FBXL7: variants seen among roughly 807,000 people sequenced by gnomAD.
The protein encoded by FBXL7 is F-box/LRR-repeat protein 7.
Under a neutral mutation model 38.3 loss-of-function variants are expected in FBXL7, and 12 were observed. That is an observed-to-expected ratio of 0.31 (90% CI 0.20 to 0.51). The LOEUF (loss-of-function observed/expected upper bound fraction) is 0.51, where lower values mean the gene tolerates loss of function less well. Among genes scored for constraint, FBXL7 ranks in the 20% least tolerant of loss-of-function variants. The pLI is 0.98. For synonymous variants in FBXL7, 297 were observed against 300.9 expected (o/e 0.99, Z 0.13); for missense variants, 567 against 676.4 (o/e 0.84, Z 1.79).
chr5:15,683,271 A>C (rs908887497), intron 2 of FBXL7, among the ~76,000 whole-genome samples: 1 of 152,134 alleles, frequency 6.6e-6, no homozygotes, highest in Non-Finnish European at 1.5e-5. Context: ...TGTGTGTTTA[A>C]AATGTTGTGA....
intron 2 of FBXL7, among the ~76,000 whole-genome samples, chr5:15,785,777 G>T (rs1737118036): frequency 6.6e-6 from 1 of 152,226 alleles, no homozygotes; most frequent in South Asian, 2.1e-4. Context: ...AAAGCAGTTA[G>T]GACATTTTCC....
At chr5:15,902,831 T>C (rs1036666797) in intron 2 of FBXL7, among the ~76,000 whole-genome samples, 5 of 152,262 alleles carry the variant, frequency 3.3e-5, no homozygotes, top group East Asian at 1.9e-4. Flanking sequence ...TTTTCACTTC[T>C]GGCTTTCTAG....
intron 2 of FBXL7, among the ~76,000 whole-genome samples, chr5:15,642,998 G>C (rs1203413417): frequency 6.6e-6 from 1 of 152,156 alleles, no homozygotes; most frequent in Admixed American, 6.5e-5. Context: ...GGTTTCATTT[G>C]CTTTTCCCCC....
chr5:15,618,766 A>G (rs1740531440), intron 2 of FBXL7, among the ~76,000 whole-genome samples: 1 of 152,200 alleles, frequency 6.6e-6, no homozygotes, highest in Admixed American at 6.5e-5. Flanking sequence ...TTAGCACTGG[A>G]AGAGATCTGA....
At chr5:15,785,007 G>C (rs573828337) in intron 2 of FBXL7, among the ~76,000 whole-genome samples, 1 of 152,082 alleles carries the variant, frequency 6.6e-6, no homozygotes, top group Admixed American at 6.6e-5. Context: ...TTCATCTGAG[G>C]GTTGGGTGTA....
At position 15,861,296 on chromosome 5, in the gene FBXL7, G is replaced by A. The variant is rs79555034; in HGVS notation, c.128-66594G>A. ...AATGACTGACATTTACATTGTCCCT[G>A]TATCTGAAGTCTTTGAAAAGAGCAA... On this transcript the variant is annotated intron_variant, in intron 2 of 3. Transcript: ENST00000504595. Among the ~76,000 whole-genome samples the A allele has an allele frequency of 2.3e-4, 35 of 152,312 alleles. No individual in the cohort carries two copies. In the East Asian group the frequency reaches 6.8e-3, roughly 29 times the overall value.
chr5:15,566,818 T>G (rs1738588272), intron 1 of FBXL7, among the ~76,000 whole-genome samples: 1 of 152,162 alleles, frequency 6.6e-6, no homozygotes, highest in Non-Finnish European at 1.5e-5. Context: ...CTGGACCTAT[T>G]TATGGTGACT....
intron 2 of FBXL7, among the ~76,000 whole-genome samples, chr5:15,875,493 C>G (rs1239333622): frequency 1.3e-5 from 2 of 152,050 alleles, no homozygotes; most frequent in African/African-American, 2.4e-5. Flanking sequence ...AAAATTTTTG[C>G]AATCCATCCA....
At chr5:15,792,475 G>A (rs2126732406) in intron 2 of FBXL7, among the ~76,000 whole-genome samples, 1 of 152,260 alleles carries the variant, frequency 6.6e-6, no homozygotes, top group Non-Finnish European at 1.5e-5. Context: ...TGAACGTCAA[G>A]CAGTTGATTT....
At chr5:15,542,832 A>G (rs999645286) in intron 1 of FBXL7, among the ~76,000 whole-genome samples, 3 of 152,202 alleles carry the variant, frequency 2.0e-5, no homozygotes, top group Non-Finnish European at 4.4e-5. Flanking sequence ...CCTGTTTTAT[A>G]TTGATGTCCC....
At position 15,928,248 on chromosome 5, in the gene FBXL7, G is replaced by A; in HGVS notation, c.486G>A (p.Glu162=). Residue 162 remains glutamate, a synonymous_variant, in exon 3 of 4, where the codon GAG becomes GAA. Transcript: ENST00000504595. The surrounding 1 kb of genome is among the most constrained non-coding windows in gnomAD (Gnocchi z 4.0). The stretch of plus-strand genomic sequence containing the variant: ...GGAGGACTATCCGCCTGACGGGCGA[G>A]ACCATCAACGTGGACCGCGCCCTCA... The part of the protein sequence containing the change: ...RLWRTIRLTG[E]TINVDRALKV... 6.2e-7 allele frequency: 1 copy of A among 1,611,934 alleles called. No homozygotes were observed. The highest frequency in any genetic ancestry group is 8.5e-7 in the Non-Finnish European group (1 of 1,179,096).
intron 2 of FBXL7, among the ~76,000 whole-genome samples, chr5:15,785,819 G>A (rs931069657): frequency 1.3e-5 from 2 of 152,216 alleles, no homozygotes; most frequent in African/African-American, 2.4e-5. Flanking sequence ...TCGCAGTTCA[G>A]TTGCATCTGG....
chr5:15,634,514 G>A (rs542659948), intron 2 of FBXL7, among the ~76,000 whole-genome samples: 3 of 148,878 alleles, frequency 2.0e-5, no homozygotes, highest in South Asian at 2.1e-4. Context: ...TTGGGGGGGG[G>A]GTTTACCCTA....
chr5:15,707,174 G>T (rs866909733), intron 2 of FBXL7, among the ~76,000 whole-genome samples: 268 of 70,262 alleles, frequency 3.8e-3, no homozygotes, highest in Middle Eastern at 0.024. Context: ...TTTTCTTTTC[G>T]TTTTTTTTTT....
chr5:15,843,523 T>C (rs2126785865), intron 2 of FBXL7, among the ~76,000 whole-genome samples: 1 of 152,306 alleles, frequency 6.6e-6, no homozygotes, highest in East Asian at 1.9e-4. Flanking sequence ...AAACTATGCA[T>C]GAAGCCCCAT....
chr5:15,935,319 C>T (rs112038088), intron 3 of FBXL7: 5,862 of 440,832 alleles, frequency 0.013, 51 homozygotes, highest in African/African-American at 0.12. Flanking sequence ...TGTGGGGAAT[C>T]GACTGTAGGA....
At chr5:15,733,411 C>T (rs2126666134) in intron 2 of FBXL7, among the ~76,000 whole-genome samples, 1 of 152,202 alleles carries the variant, frequency 6.6e-6, no homozygotes, top group South Asian at 2.1e-4. Flanking sequence ...TTAATGTGAA[C>T]ACAATTACAA....
chr5:15,536,485 C>A (rs1217277544), intron 1 of FBXL7, among the ~76,000 whole-genome samples: 1 of 152,066 alleles, frequency 6.6e-6, no homozygotes, highest in African/African-American at 2.4e-5. Context: ...ATCAGTGTGC[C>A]CTGGATGTGA....
At chr5:15,684,949 A>G (rs372824212) in intron 2 of FBXL7, among the ~76,000 whole-genome samples, 2 of 152,348 alleles carry the variant, frequency 1.3e-5, no homozygotes, top group East Asian at 1.9e-4. Context: ...AATAACCACT[A>G]TATGTTGCTG....
Sources: allele counts gnomAD v4.1 joint callset (sites outside exome capture counted in the v4.1 genomes callset), GRCh38; gene constraint gnomAD v4.1.1; non-coding constraint Gnocchi (gnomAD v3.1); transcripts MANE v1.5; gene names NCBI Gene and HGNC (gene_info 2026-07-23, HGNC 2026-07-21).